Variants in FRMPD4 observed in about 807,000 individuals in gnomAD.
The protein encoded by FRMPD4 is FERM and PDZ domain-containing protein 4.
Under a neutral mutation model 94.1 loss-of-function variants are expected in FRMPD4, and 22 were observed. That is an observed-to-expected ratio of 0.23 (90% CI 0.17 to 0.33). FRMPD4 has a LOEUF of 0.33. FRMPD4 is among the 10% of genes least tolerant of loss of function. The pLI is 1.00. For missense variants in FRMPD4, 1,111 were observed against 1,339.9 expected (o/e 0.83, Z 2.67); for synonymous variants, 631 against 548.6 (o/e 1.15, Z -2.10).
Position 12,716,237 on chromosome X carries a change from G to A in FRMPD4, c.1778G>A (p.Arg593Gln), listed in dbSNP as rs2042078311. The A allele has an allele frequency of 3.3e-6, 4 of 1,208,424 alleles. No individual in the cohort carries two copies. Among genetic ancestry groups the A allele is most frequent in the African/African-American group, 1.8e-5 (1 of 56,933 alleles). ...TDSTMCPKEH[R>Q]HLYIDNAYSS... ...AGCACCATGTGTCCAAAAGAGCACC[G>A]GCACTTGTACATAGACAATGCCTAT... The change falls in exon 15 of 17, where the codon CGG becomes CAG. Residue 593 changes from arginine (R) to glutamine (Q), a missense_variant. Arg to Gln is a conservative substitution (Grantham distance 43, BLOSUM62 1). Around this residue, in one of 8 missense-constraint regions of FRMPD4, gnomAD observed 192 missense variants for 192.5 expected, o/e 1.00. Coordinates refer to ENST00000675598, the MANE Select transcript of FRMPD4 (RefSeq NM_001368397.1).
At chrX:12,546,227 G>A in intron 2 of FRMPD4, among the ~76,000 whole-genome samples, 1 of 107,859 alleles carries the variant, frequency 9.3e-6, no homozygotes, top group South Asian at 4.3e-4. Flanking sequence ...TTGCCCAGGG[G>A]TGGAGTGCGG....
At chrX:11,899,349 A>G (rs1358520441) in intron 3 of FRMPD4, among the ~76,000 whole-genome samples, 1 of 98,871 alleles carries the variant, frequency 1.0e-5, no homozygotes, top group Non-Finnish European at 2.0e-5. Flanking sequence ...TCCTAATCTT[A>G]TTTTTACTTG....
chrX:12,111,572 G>T (rs1227106716), intron 3 of FRMPD4, among the ~76,000 whole-genome samples: 1 of 111,448 alleles, frequency 9.0e-6, no homozygotes, highest in Non-Finnish European at 1.9e-5. Context: ...TGACAAATGA[G>T]ATCTAATTAA....
chrX:12,506,100 T>C (rs1473715767), intron 2 of FRMPD4, among the ~76,000 whole-genome samples: 1 of 111,553 alleles, frequency 9.0e-6, no homozygotes, highest in African/African-American at 3.3e-5. Context: ...GAAATGCTTT[T>C]TGAACTTAAA....
intron 3 of FRMPD4, among the ~76,000 whole-genome samples, chrX:11,960,403 G>A (rs780153775): frequency 2.4e-4 from 27 of 111,958 alleles, no homozygotes; most frequent in African/African-American, 8.4e-4. Flanking sequence ...CTGCCAAAGA[G>A]GACCTGAGAA....
intron 2 of FRMPD4, among the ~76,000 whole-genome samples, chrX:12,569,551 C>A: frequency 1.5e-5 from 1 of 68,471 alleles, no homozygotes. Flanking sequence ...AAAAAATTAA[C>A]TTGGAAACTT....
chrX:12,410,166 T>C lies in FRMPD4; in HGVS notation c.42-88514T>C, dbSNP rs17281439. On this transcript the variant is annotated intron_variant, in intron 1 of 16. Transcript: ENST00000675598. ...TCACTGATTATTGAAGACTTCCTGA[T>C]GTGGCTGAGTAACTCATTCATTCCC... Among the ~76,000 whole-genome samples the C allele has an allele frequency of 8.6e-3, 959 of 111,339 alleles. 19 individuals carry two copies. Among genetic ancestry groups the C allele is most frequent in the Admixed American group, 0.068 (705 of 10,437 alleles).
At chrX:11,934,391 G>A (rs769034679) in intron 3 of FRMPD4, among the ~76,000 whole-genome samples, 1 of 111,789 alleles carries the variant, frequency 8.9e-6, no homozygotes, top group Admixed American at 9.5e-5. Flanking sequence ...CAATATGCAG[G>A]CTATTGAGAA....
intron 1 of FRMPD4, among the ~76,000 whole-genome samples, chrX:11,863,724 G>A (rs2147299671): frequency 8.9e-6 from 1 of 112,001 alleles, no homozygotes; most frequent in African/African-American, 3.2e-5. Context: ...CAGTGCTTCT[G>A]AGGTAAAAAG....
intron 1 of FRMPD4, among the ~76,000 whole-genome samples, chrX:12,359,347 C>G (rs2055945438): frequency 8.9e-6 from 1 of 112,094 alleles, no homozygotes; most frequent in Non-Finnish European, 1.9e-5. Context: ...TCAACTTAAT[C>G]TGATTGAAAA....
chrX:12,154,576 C>T (rs1466468003), intron 1 of FRMPD4, among the ~76,000 whole-genome samples: 1 of 112,287 alleles, frequency 8.9e-6, no homozygotes, highest in African/African-American at 3.2e-5. Flanking sequence ...GATGTCAACA[C>T]ACTACTACAA....
At position 12,478,039 on chromosome X, in the gene FRMPD4, C is replaced by T. The variant is rs191971852; in HGVS notation, c.42-20641C>T. 8.2e-4 allele frequency among the ~76,000 whole-genome samples: 92 copies of T among 112,406 alleles called. No homozygotes were observed. The South Asian group carries it at 8.9e-3, about 11-fold the overall frequency. On this transcript the variant is annotated intron_variant, in intron 1 of 16. Coordinates refer to ENST00000675598, the MANE Select transcript of FRMPD4 (RefSeq NM_001368397.1). ...GACAGGTGGCATGGGAAAGTGTCTCCAGGCTCTCAGCTTCCACTGTGCCCT... is the reference window on the plus strand; with the variant it reads ...GACAGGTGGCATGGGAAAGTGTCTCTAGGCTCTCAGCTTCCACTGTGCCCT...
At chrX:11,828,073 A>G (rs2053454621) in intron 1 of FRMPD4, among the ~76,000 whole-genome samples, 1 of 112,088 alleles carries the variant, frequency 8.9e-6, no homozygotes, top group African/African-American at 3.2e-5. Flanking sequence ...AAGAAGACAT[A>G]TGCCAACTGT....
intron 1 of FRMPD4, among the ~76,000 whole-genome samples, chrX:12,302,388 T>A (rs1447922200): frequency 8.9e-6 from 1 of 112,275 alleles, no homozygotes; most frequent in Non-Finnish European, 1.9e-5. Flanking sequence ...TTATTATTAT[T>A]ATAGTTAGTA....
At chrX:12,604,886 G>C (rs2059116607) in intron 2 of FRMPD4, among the ~76,000 whole-genome samples, 1 of 111,237 alleles carries the variant, frequency 9.0e-6, no homozygotes, top group African/African-American at 3.3e-5. Context: ...TCATCATTTA[G>C]CTCCCACTTA....
At chrX:11,873,719 A>T (rs761466731) in intron 2 of FRMPD4, among the ~76,000 whole-genome samples, 5 of 109,690 alleles carry the variant, frequency 4.6e-5, no homozygotes, top group Admixed American at 9.7e-5. Context: ...TTTTTTTTTA[A>T]AAAAAAGAAG....
intron 3 of FRMPD4, among the ~76,000 whole-genome samples, chrX:11,881,950 A>G (rs1157326578): frequency 8.9e-6 from 1 of 111,739 alleles, no homozygotes; most frequent in East Asian, 2.8e-4. Context: ...CCAGGCTGGT[A>G]TGCAATGAAT....
chrX:12,302,699 T>G (rs1208418701), intron 1 of FRMPD4, among the ~76,000 whole-genome samples: 1 of 112,110 alleles, frequency 8.9e-6, no homozygotes, highest in Non-Finnish European at 1.9e-5. Context: ...ATGTGGCTAT[T>G]GCTCAAAGAG....
chrX:11,943,827 G>A (rs954047865), intron 3 of FRMPD4, among the ~76,000 whole-genome samples: 3 of 111,731 alleles, frequency 2.7e-5, no homozygotes, highest in African/African-American at 9.8e-5. Context: ...CCTACTTTCA[G>A]GTTTTTTCCC....
Sources: allele counts gnomAD v4.1 joint callset (sites outside exome capture counted in the v4.1 genomes callset), GRCh38; gene constraint gnomAD v4.1.1; regional missense constraint gnomAD v4.1.1; transcripts MANE v1.5; gene names NCBI Gene and HGNC (gene_info 2026-07-23, HGNC 2026-07-21).